NRDC: variants seen among roughly 807,000 people sequenced by gnomAD.
The protein encoded by NRDC is nardilysin.
In NRDC, 54 loss-of-function variants were observed where a neutral mutation model predicts 147.1. The observed-to-expected ratio is 0.37, with a 90% CI of 0.29 to 0.46. NRDC has a LOEUF of 0.46. Ranked by LOEUF, NRDC falls within the 20% of genes least tolerant of loss-of-function variation. The pLI is 1.00. For missense variants in NRDC, 1,082 were observed against 1,370.6 expected, an observed-to-expected ratio of 0.79 and a Z score of 3.33; for synonymous variants, 440 against 482.1, an observed-to-expected ratio of 0.91 and a Z score of 1.14.
chr1:51,832,363 A>G (rs531381067), intron 4 of NRDC, among the ~76,000 whole-genome samples: 1 of 152,290 alleles, frequency 6.6e-6, no homozygotes, highest in Admixed American at 6.5e-5. Context: ...TAAAAAAAAT[A>G]TTAGATCTCT....
In NRDC at chr1:51,792,075, A is replaced by C; in HGVS notation, c.2847T>G (p.Phe949Leu). The C allele has an allele frequency of 6.2e-7, 1 of 1,614,070 alleles. No homozygotes were observed. The highest frequency in any genetic ancestry group is 8.5e-7 in the Non-Finnish European group (1 of 1,180,000). The change falls in exon 26 of 31, where the codon TTT becomes TTG. Residue 949 changes from phenylalanine (F) to leucine (L), a missense_variant. By Grantham distance (22) the Phe-to-Leu change is conservative. Transcript: ENST00000352171. ...GGGTCTGCTTGGTTCGAAGGAAGTC[A>C]AAACAAGGTTCTTCCATGTGCATCT... ...LLVMHMEEPC[F>L]DFLRTKQTLG...
At chr1:51,855,389 C>A in intron 1 of NRDC, among the ~76,000 whole-genome samples, 1 of 150,214 alleles carries the variant, frequency 6.7e-6, no homozygotes, top group South Asian at 2.1e-4. Context: ...TATAACAGAG[C>A]TAAAAGGAAA....
In NRDC at chr1:51,791,583, T is replaced by G; in HGVS notation, c.2955A>C (p.Lys985Asn). ...FSVTVGTQAT[K>N]YNSEVVDKKI... The stretch of plus-strand genomic sequence containing the variant: ...CTATTCACTCACTCACTCACTTGTA[T>G]TTGGTTGCCTGAGTCCCCACAGTGA... Residue 985 changes from lysine to asparagine, a missense_variant, in exon 27 of 31, where the codon AAA becomes AAC. Lys to Asn is a moderately conservative substitution (Grantham distance 94, BLOSUM62 0). Coordinates refer to ENST00000352171, the MANE Select transcript of NRDC (RefSeq NM_001101662.2). 6.2e-7 allele frequency: 1 copy of G among 1,610,858 alleles called. No homozygotes were observed. The highest frequency in any genetic ancestry group is 8.5e-7 in the Non-Finnish European group (1 of 1,176,974).
intron 19 of NRDC, among the ~76,000 whole-genome samples, chr1:51,805,161 G>A (rs1202590293): frequency 6.6e-6 from 1 of 152,210 alleles, no homozygotes; most frequent in Non-Finnish European, 1.5e-5. Flanking sequence ...CACATTCCTT[G>A]GTAGTCTATA....
At position 51,846,394 on chromosome 1, in the gene NRDC, A is replaced by T. The variant is rs375381314; in HGVS notation, c.342-5880T>A. Among the ~76,000 whole-genome samples the T allele has an allele frequency of 2.6e-5, 4 of 152,328 alleles. No homozygotes were observed. In the East Asian group the frequency reaches 5.8e-4, roughly 22 times the overall value. On this transcript the variant is annotated intron_variant, in intron 1 of 30. Transcript: ENST00000352171. ...CTCCCAAAGTGCAGGAATTACAGACATGAGCCACCGTGCACAGCCGACACT... is the reference window on the plus strand; with the variant it reads ...CTCCCAAAGTGCAGGAATTACAGACTTGAGCCACCGTGCACAGCCGACACT...
chr1:51,809,209 G>T (rs907306460), intron 17 of NRDC, 106 bp downstream of exon 17: 10 of 791,190 alleles, frequency 1.3e-5, no homozygotes, highest in Middle Eastern at 2.8e-4. Flanking sequence ...ATGTTACTGG[G>T]AATCTCAAAT....
intron 1 of NRDC, chr1:51,860,270 T>C (rs952912590): frequency 1.3e-5 from 2 of 153,542 alleles, no homozygotes; most frequent in African/African-American, 4.8e-5. Flanking sequence ...TTAGATAGGG[T>C]TGATTTTCCC....
chr1:51,866,158 G>A (rs1369856921), intron 1 of NRDC, among the ~76,000 whole-genome samples: 2 of 152,108 alleles, frequency 1.3e-5, no homozygotes, highest in African/African-American at 2.4e-5. Context: ...GGACTTCTAG[G>A]TTACAGTAAG....
intron 18 of NRDC, 58 bp from the exon 19 acceptor site, chr1:51,805,619 C>T: frequency 9.8e-7 from 1 of 1,023,664 alleles, no homozygotes; most frequent in Non-Finnish European, 1.5e-6. Flanking sequence ...TTTTATACAT[C>T]TGTTATTTTC....
At chr1:51,814,646 G>C in intron 12 of NRDC, 37 bp from the exon 13 acceptor site, 2 of 1,608,304 alleles carry the variant, frequency 1.2e-6, no homozygotes, top group Non-Finnish European at 1.7e-6. Context: ...TTTGCATAAA[G>C]TGATATCTAC....
At chr1:51,806,717 A>G in intron 18 of NRDC, 77 bp downstream of exon 18, 7 of 1,433,686 alleles carry the variant, frequency 4.9e-6, no homozygotes, top group South Asian at 1.3e-5. Context: ...TAGCAAGTAG[A>G]TAATCACATG....
rs1055897725 is a variant in NRDC, at chr1:51,878,214, G to A, written c.341+61C>T. 4.6e-6 allele frequency: 7 copies of A among 1,525,208 alleles called. No individual in the cohort carries two copies. In the African/African-American group the frequency reaches 9.6e-5, roughly 21 times the overall value. 94.5% of individuals were successfully genotyped at this position (1,525,208 alleles called of 1,614,324 possible). A position where few individuals can be genotyped will look rare whatever the true frequency, so the allele number is the denominator to read the frequency against. ...GGAGACATGGAGACAAGAAGTGACG[G>A]CGGCACCGACAGAGAAGCCGGCACA... is the stretch of plus-strand genomic sequence containing the variant. On this transcript the variant is annotated intron_variant, in intron 1 of 30. Transcript: ENST00000352171.
intron 1 of NRDC, among the ~76,000 whole-genome samples, chr1:51,857,878 T>C (rs1451307511): frequency 1.3e-5 from 2 of 152,100 alleles, no homozygotes; most frequent in African/African-American, 4.8e-5. Context: ...ATTAACTAAA[T>C]TGATGAAGGG....
In NRDC at chr1:51,818,068, G is replaced by C. The variant is rs1680052293; in HGVS notation, c.1359C>G (p.Tyr453Ter). The C allele has an allele frequency of 6.2e-7, 1 of 1,605,076 alleles. No individual in the cohort carries two copies. Among genetic ancestry groups the C allele is most frequent in the Non-Finnish European group, 8.5e-7 (1 of 1,176,742 alleles). Residue 453 changes from tyrosine to a stop codon, truncating the protein, a stop_gained and splice_region_variant, in exon 10 of 31, where the codon TAC becomes TAG. Coordinates refer to ENST00000352171, the MANE Select transcript of NRDC (RefSeq NM_001101662.2). LOFTEE classifies it high-confidence loss of function. ...TAAATTTTCCCTTAAACTCTTACCT[G>C]TAATGTTGCTGTTGAGGAGGAAGTG... Reference protein sequence around the residue: ...TWALPPQQQHYRVKPLHYISW... With the variant: ...TWALPPQQQH
intron 1 of NRDC, among the ~76,000 whole-genome samples, chr1:51,869,028 C>T (rs1571924944): frequency 6.6e-6 from 1 of 152,272 alleles, no homozygotes; most frequent in East Asian, 1.9e-4. Flanking sequence ...CAACCTCAAA[C>T]TCTTGTGCTC....
chr1:51,806,724 C>A, intron 18 of NRDC, 70 bp downstream of exon 18: 2 of 1,469,198 alleles, frequency 1.4e-6, no homozygotes, highest in Non-Finnish European at 1.9e-6. Context: ...TAGATAATCA[C>A]ATGTGAAACA....
chr1:51,865,975 C>T (rs1054714151), intron 1 of NRDC, among the ~76,000 whole-genome samples: 3 of 151,768 alleles, frequency 2.0e-5, no homozygotes, highest in African/African-American at 7.3e-5. Context: ...AGAAGAATTA[C>T]TAGAACCCAG....
chr1:51,840,310 A>G lies in NRDC; in HGVS notation c.546T>C (p.His182=). The change falls in exon 2 of 31, where the codon CAT becomes CAC. Residue 182 remains histidine (H), a synonymous_variant. Coordinates refer to ENST00000352171, the MANE Select transcript of NRDC (RefSeq NM_001101662.2). ...FDDEDEFDDE[H]DDDLDTEDNE... ...TATCCTCAGTATCAAGATCATCATC[A>G]TGTTCATCATCAAACTCATCTTCAT... The G allele has an allele frequency of 6.4e-7, 1 of 1,567,372 alleles. No homozygotes were observed. Among genetic ancestry groups the G allele is most frequent in the South Asian group, 1.1e-5 (1 of 90,050 alleles).
At chr1:51,821,724 T>G (rs753846086) in intron 7 of NRDC, among the ~76,000 whole-genome samples, 169 bp from the exon 8 acceptor site, 2 of 152,130 alleles carry the variant, frequency 1.3e-5, no homozygotes, top group African/African-American at 2.4e-5. Context: ...AAAATAACAG[T>G]AGAAAAGAAA....
Sources: allele counts gnomAD v4.1 joint callset (sites outside exome capture counted in the v4.1 genomes callset), GRCh38; gene constraint gnomAD v4.1.1; transcripts MANE v1.5; gene names NCBI Gene and HGNC (gene_info 2026-07-23, HGNC 2026-07-21).